Variants in PTPRS observed in about 807,000 individuals in gnomAD.
PTPRS encodes receptor-type tyrosine-protein phosphatase S.
Under a neutral mutation model 215.3 loss-of-function variants are expected in PTPRS, and 63 were observed. The ratio of observed to expected loss-of-function variants is 0.29; its 90% CI spans 0.24 to 0.36. The LOEUF (loss-of-function observed/expected upper bound fraction) is 0.36, where lower values mean the gene tolerates loss of function less well. PTPRS is among the 10% of genes least tolerant of loss of function. The pLI, the probability that PTPRS is intolerant of heterozygous loss-of-function variation, is 1.00. For missense variants in PTPRS, 2,258 were observed against 2,825.8 expected (o/e 0.80, Z 4.56); for synonymous variants, 1,404 against 1,191.4 (o/e 1.18, Z -3.68).
chr19:5,247,420 G>T (rs2044599677), intron 9 of PTPRS, among the ~76,000 whole-genome samples: 1 of 152,098 alleles, frequency 6.6e-6, no homozygotes, highest in Non-Finnish European at 1.5e-5. Context: ...ACCTGAACTT[G>T]CAAAGAGCAC....
intron 4 of PTPRS, among the ~76,000 whole-genome samples, chr19:5,269,142 C>T (rs565873634): frequency 6.6e-6 from 1 of 152,242 alleles, no homozygotes; most frequent in East Asian, 1.9e-4. Context: ...GTATTTCATT[C>T]ATGCGTGGGT....
Position 5,210,667 on chromosome 19 carries a change from C to A in PTPRS, c.5361+12G>T. 1 of 1,614,138 alleles carries A rather than the reference C, an allele frequency of 6.2e-7. No homozygotes were observed. Among genetic ancestry groups the A allele is most frequent in the Non-Finnish European group, 8.5e-7 (1 of 1,180,030 alleles). On this transcript the variant is annotated intron_variant, in intron 34 of 37. Coordinates refer to ENST00000262963, the MANE Select transcript of PTPRS (RefSeq NM_002850.4). This position sits in a 1 kb window ranked among gnomAD's most constrained non-coding sequence, Gnocchi z 4.5. ...TGGCCCTCGCCCTTCCCTGCTGTGG[C>A]CCCTAGCTCACCCGGCCCATCTCCC... is the stretch of plus-strand genomic sequence containing the variant.
chr19:5,254,908 G>A (rs979543194), intron 9 of PTPRS, among the ~76,000 whole-genome samples: 7 of 152,198 alleles, frequency 4.6e-5, no homozygotes, highest in African/African-American at 1.7e-4. Flanking sequence ...CATTTTGAGT[G>A]CCAATTACAC....
At chr19:5,214,307 T>A in intron 30 of PTPRS, 54 bp downstream of exon 30, 1 of 1,611,948 alleles carries the variant, frequency 6.2e-7, no homozygotes, top group Admixed American at 1.7e-5. Flanking sequence ...GCCCTCTGCC[T>A]CCCTTCCAAC....
At chr19:5,234,780 GA>G (rs1211428517) in intron 13 of PTPRS, among the ~76,000 whole-genome samples, 1 of 152,026 alleles carries the variant, frequency 6.6e-6, no homozygotes. Flanking sequence ...GGCTTCATCA[GA>G]AAACGATAGT....
intron 1 of PTPRS, among the ~76,000 whole-genome samples, chr19:5,311,293 G>A (rs1342240975): frequency 2.0e-5 from 3 of 152,194 alleles, no homozygotes; most frequent in African/African-American, 7.2e-5. Flanking sequence ...TATAGGCTGA[G>A]CCACTGCGCC....
At position 5,229,653 on chromosome 19, in the gene PTPRS, C is replaced by A; in HGVS notation, c.2187G>T (p.Ala729=). Residue 729 remains alanine (A), a synonymous_variant, in exon 15 of 38, where the codon GCG becomes GCT. Transcript: ENST00000262963. The stretch of plus-strand genomic sequence containing the variant: ...GGATGGCCGTGGCGTTGAGCGCCTC[C>A]GCCTCCACCTTCCGCGGCGGCGCGC... ...VPSAPPRKVE[A]EALNATAIRV... 7.7e-7 allele frequency: 1 copy of A among 1,292,786 alleles called. No individual in the cohort carries two copies. Among genetic ancestry groups the A allele is most frequent in the Non-Finnish European group, 9.7e-7 (1 of 1,025,746 alleles). The allele number at this position is 1,292,786 out of a possible 1,614,324, so 80.1% of individuals were successfully genotyped here.
chr19:5,208,746 C>T (rs1005214221), intron 35 of PTPRS, among the ~76,000 whole-genome samples: 16 of 152,054 alleles, frequency 1.1e-4, no homozygotes, highest in African/African-American at 3.9e-4. Flanking sequence ...GATGCTCCAA[C>T]CTCATCCTCA....
intron 3 of PTPRS, 107 bp downstream of exon 3, chr19:5,274,092 A>C (rs1186786797): frequency 6.9e-7 from 1 of 1,448,444 alleles, no homozygotes; most frequent in Non-Finnish European, 9.3e-7. Context: ...GCCACAGATG[A>C]TGCTCCACCT....
chr19:5,307,450 T>G (rs1204866918), intron 1 of PTPRS, among the ~76,000 whole-genome samples: 1 of 152,090 alleles, frequency 6.6e-6, no homozygotes, highest in Non-Finnish European at 1.5e-5. Context: ...ATCACAGCTG[T>G]GAAAAGGAAT....
intron 12 of PTPRS, among the ~76,000 whole-genome samples, chr19:5,239,435 C>A (rs577637581): frequency 6.7e-6 from 1 of 148,496 alleles, no homozygotes; most frequent in South Asian, 2.2e-4. Context: ...AGGAGAGAGA[C>A]AGACACAGAG....
chr19:5,228,399 G>A (rs548719916), intron 16 of PTPRS, among the ~76,000 whole-genome samples: 14 of 144,100 alleles, frequency 9.7e-5, no homozygotes, highest in South Asian at 4.5e-4. Flanking sequence ...AGGCTGGACC[G>A]CAGTGGTGCC....
Position 5,239,065 on chromosome 19 carries a change from TG to T in PTPRS, c.1705-3del, listed in dbSNP as rs2043743239. 2 of 1,598,672 alleles carry T rather than the reference TG, an allele frequency of 1.3e-6. No individual in the cohort carries two copies. Among genetic ancestry groups the T allele is most frequent in the African/African-American group, 1.4e-5 (1 of 70,206 alleles). ...CGTCGGGTCGAAGGTCCTTCCCACC[TG>T]GGGGCAGGGCAGAGAAGGACAGAGA... On this transcript the variant is annotated splice_polypyrimidine_tract_variant and splice_region_variant and intron_variant, in intron 12 of 37. Transcript: ENST00000262963.
In PTPRS at chr19:5,206,304, G is replaced by A. The variant is rs893983834; in HGVS notation, c.*470C>T. On this transcript the variant is annotated 3_prime_UTR_variant, in exon 38 of 38. Coordinates refer to ENST00000262963, the MANE Select transcript of PTPRS (RefSeq NM_002850.4). ...TATTTAAAAAAAATGAAATGTCACG[G>A]GATACAGTTACACTGAGAGTTTTAA... 5 of 230,342 alleles carry A rather than the reference G, an allele frequency of 2.2e-5. No individual in the cohort carries two copies. The highest frequency in any genetic ancestry group is 1.1e-4 in the African/African-American group (5 of 45,158). 14.3% of individuals were successfully genotyped at this position (230,342 alleles called of 1,614,324 possible).
intron 1 of PTPRS, among the ~76,000 whole-genome samples, chr19:5,326,848 AAGG>A (rs1432198545): frequency 3.3e-5 from 5 of 151,724 alleles, no homozygotes; most frequent in African/African-American, 1.2e-4. Flanking sequence ...AAGAAAGAAA[AAGG>A]AAGGAAGGAA....
intron 2 of PTPRS, among the ~76,000 whole-genome samples, chr19:5,276,531 G>T (rs1266896605): frequency 5.3e-5 from 1 of 18,818 alleles, no homozygotes; most frequent in Non-Finnish European, 1.1e-4. Context: ...CCTGGAGTAC[G>T]TGTTTTTTTT....
At chr19:5,322,487 T>A (rs1394174847) in intron 1 of PTPRS, among the ~76,000 whole-genome samples, 1 of 151,994 alleles carries the variant, frequency 6.6e-6, no homozygotes, top group Non-Finnish European at 1.5e-5. Flanking sequence ...GGGGACCGAC[T>A]CGAGCCCGCC....
intron 1 of PTPRS, among the ~76,000 whole-genome samples, chr19:5,337,124 C>G (rs1038616371): frequency 1.3e-5 from 2 of 152,174 alleles, no homozygotes; most frequent in Non-Finnish European, 1.5e-5. Flanking sequence ...TGGCTCCGAC[C>G]GACTCTGCAA....
chr19:5,231,750 G>A (rs1211586897), intron 13 of PTPRS, 135 bp from the exon 14 acceptor site: 3 of 350,100 alleles, frequency 8.6e-6, no homozygotes, highest in African/African-American at 2.2e-5. Context: ...CCAAACCAAA[G>A]AGAAGTCGAA....
Sources: allele counts gnomAD v4.1 joint callset (sites outside exome capture counted in the v4.1 genomes callset), GRCh38; gene constraint gnomAD v4.1.1; non-coding constraint Gnocchi (gnomAD v3.1); transcripts MANE v1.5; gene names NCBI Gene and HGNC (gene_info 2026-07-23, HGNC 2026-07-21).